Variants in ABCA6 observed in about 807,000 individuals in gnomAD.
ABCA6 encodes ATP-binding cassette sub-family A member 6.
Under a neutral mutation model 191.2 loss-of-function variants are expected in ABCA6, and 164 were observed. That is an observed-to-expected ratio of 0.86 (90% CI 0.76 to 0.98). The LOEUF is 0.98. Ranked by LOEUF, ABCA6 falls within the 50% of genes least tolerant of loss-of-function variation. ABCA6 has a pLI of 0.00. For missense variants in ABCA6, 1,958 were observed against 1,894.1 expected, an observed-to-expected ratio of 1.03 and a Z score of -0.63; for synonymous variants, 636 against 647.7, an observed-to-expected ratio of 0.98 and a Z score of 0.27.
chr17:69,116,327 T>A (rs975805340), intron 11 of ABCA6, among the ~76,000 whole-genome samples: 1 of 152,112 alleles, frequency 6.6e-6, no homozygotes, highest in Non-Finnish European at 1.5e-5. Context: ...TGTAAATCAC[T>A]TAGCATAGTT....
At chr17:69,093,356 C>T (rs1410563519) in intron 25 of ABCA6, among the ~76,000 whole-genome samples, 1 of 152,204 alleles carries the variant, frequency 6.6e-6, no homozygotes, top group Non-Finnish European at 1.5e-5. Context: ...AGAATACTAA[C>T]TGTCCCAAGA....
At chr17:69,129,314 T>C (rs899358318) in intron 7 of ABCA6, among the ~76,000 whole-genome samples, 3 of 152,146 alleles carry the variant, frequency 2.0e-5, no homozygotes, top group African/African-American at 7.2e-5. Context: ...CCCTCAAAAA[T>C]AACCTCAATA....
At chr17:69,092,535 C>G (rs1340484453) in intron 25 of ABCA6, among the ~76,000 whole-genome samples, 1 of 152,142 alleles carries the variant, frequency 6.6e-6, no homozygotes, top group Non-Finnish European at 1.5e-5. Context: ...ACTCCGTGTG[C>G]TAAGATGTGC....
At chr17:69,119,962 T>C (rs560623096) in intron 10 of ABCA6, among the ~76,000 whole-genome samples, 2 of 152,102 alleles carry the variant, frequency 1.3e-5, no homozygotes, top group Admixed American at 1.3e-4. Context: ...GTTATCACTA[T>C]GAATACACCC....
In ABCA6 at chr17:69,084,297, G is replaced by C; in HGVS notation, c.4319C>G (p.Ser1440Cys). Residue 1440 changes from serine (S) to cysteine (C), a missense_variant, in exon 34 of 39, where the codon TCT (serine) becomes TGT (cysteine). Physicochemically the swap from Ser to Cys is moderately radical, Grantham distance 112. Transcript: ENST00000284425. ...NSPVLLLDEP[S>C]TGIDPTGQQQ... ...CTGCCCTGTGGGGTCTATGCCCGTAGATGGTTCATCCAGGAGCAAGACAGG... is the reference window on the plus strand; with the variant it reads ...CTGCCCTGTGGGGTCTATGCCCGTACATGGTTCATCCAGGAGCAAGACAGG... 1 of 1,614,176 alleles carries C rather than the reference G, an allele frequency of 6.2e-7. No homozygotes were observed. Among genetic ancestry groups the C allele is most frequent in the Non-Finnish European group, 8.5e-7 (1 of 1,180,030 alleles).
rs1455266952 is a variant in ABCA6, at chr17:69,102,875, A to G, written c.2834T>C (p.Leu945Pro). ...DFENRNGTDG[L>P]SYNGAIIVSG... Reference sequence around the variant, plus strand: ...AACTATGATAGCTCCATTGTATGAGAGGCCATCAGTACCATTTCTGTTTTC... The same window carrying G: ...AACTATGATAGCTCCATTGTATGAGGGGCCATCAGTACCATTTCTGTTTTC... The change falls in exon 21 of 39, where the codon CTC becomes CCC. Residue 945 changes from leucine to proline, a missense_variant. Physicochemically the swap from Leu to Pro is moderately conservative, Grantham distance 98. Transcript: ENST00000284425. The G allele has an allele frequency of 3.1e-6, 5 of 1,600,048 alleles. No individual in the cohort carries two copies. Among genetic ancestry groups the G allele is most frequent in the East Asian group, 2.3e-5 (1 of 44,016 alleles).
Position 69,110,708 on chromosome 17 carries a change from A to C in ABCA6, c.2272+93T>G, listed in dbSNP as rs1384236071. Reference sequence around the variant, plus strand: ...TTCTCAGGTGGCCAAAACTAAGAAAAAGTCTAAATTCATTGGACAAAGAAA... The same window carrying C: ...TTCTCAGGTGGCCAAAACTAAGAAACAGTCTAAATTCATTGGACAAAGAAA... On this transcript the variant is annotated intron_variant, in intron 17 of 38. Transcript: ENST00000284425. The C allele has an allele frequency of 1.6e-5, 23 of 1,425,296 alleles. No homozygotes were observed. In the East Asian group the frequency reaches 3.8e-4, roughly 24 times the overall value. The allele number at this position is 1,425,296 out of a possible 1,614,324, so 88.3% of individuals were successfully genotyped here.
intron 28 of ABCA6, 154 bp from the exon 29 acceptor site, chr17:69,087,627 G>A: frequency 2.0e-6 from 2 of 991,938 alleles, no homozygotes; most frequent in Admixed American, 4.8e-5. Context: ...CTTTTGCCAA[G>A]AACTCCTGTC....
Position 69,084,480 on chromosome 17 carries a change from C to T in ABCA6, c.4212G>A (p.Glu1404=). The part of the protein sequence containing the change: ...ARLVSAFKLH[E]QLNVPVQKLT... ...ATTTCTGCACAGGAACATTCAGCTG[C>T]TCATGCAGTTTGAAAGCACTCACTA... The change falls in exon 33 of 39, where the codon GAG becomes GAA. Residue 1404 remains glutamate (E), a synonymous_variant. Coordinates refer to ENST00000284425, the MANE Select transcript of ABCA6 (RefSeq NM_080284.3). The T allele has an allele frequency of 1.2e-6, 2 of 1,614,136 alleles. No individual in the cohort carries two copies. The highest frequency in any genetic ancestry group is 1.3e-5 in the African/African-American group (1 of 75,032).
At chr17:69,094,418 T>C (rs1439644453) in intron 25 of ABCA6, 3 of 152,364 alleles carry the variant, frequency 2.0e-5, no homozygotes, top group East Asian at 3.8e-4. Flanking sequence ...ATGAAACTTA[T>C]TGTTTTGGAA....
chr17:69,119,956 T>C (rs1000382172), intron 10 of ABCA6, among the ~76,000 whole-genome samples: 2 of 152,104 alleles, frequency 1.3e-5, no homozygotes, highest in African/African-American at 4.8e-5. Flanking sequence ...CCCATAGTTA[T>C]CACTATGAAT....
rs201306793 is a variant in ABCA6 at position 69,084,323 on chromosome 17, T to C, written c.4293A>G (p.Ser1431=). 39 of 1,614,118 alleles carry C rather than the reference T, an allele frequency of 2.4e-5. No individual in the cohort carries two copies. The African/African-American group carries it at 4.5e-4, about 19-fold the overall frequency. ...ATGGTTCATCCAGGAGCAAGACAGG[T>C]GAGTTTCCCAGGAGGCTCAGCACAA... ...LCFVLSLLGN[S]PVLLLDEPST... Residue 1431 remains serine (S), a synonymous_variant, in exon 34 of 39, where the codon TCA becomes TCG. Coordinates refer to ENST00000284425, the MANE Select transcript of ABCA6 (RefSeq NM_080284.3).
At chr17:69,110,674 G>T in intron 17 of ABCA6, 127 bp downstream of exon 17, 2 of 1,087,294 alleles carry the variant, frequency 1.8e-6, no homozygotes, top group Non-Finnish European at 2.5e-6. Context: ...CCTTCCTCTT[G>T]AGTTCTGCTT....
chr17:69,106,154 G>C lies in ABCA6; in HGVS notation c.2447C>G (p.Ala816Gly). 1 of 1,613,884 alleles carries C rather than the reference G, an allele frequency of 6.2e-7. No individual in the cohort carries two copies. Among genetic ancestry groups the C allele is most frequent in the South Asian group, 1.1e-5 (1 of 91,058 alleles). ...CTGCATTTCAGAGAAGGAAGAGTGAGCCAGCTCCATTTCATTGAGGCTTTC... is the reference window on the plus strand; with the variant it reads ...CTGCATTTCAGAGAAGGAAGAGTGACCCAGCTCCATTTCATTGAGGCTTTC... ...DSESLNEMEL[A>G]HSSFSEMQTA... The change falls in exon 19 of 39, where the codon GCT (alanine) becomes GGT (glycine). Residue 816 changes from alanine to glycine, a missense_variant. Ala to Gly is a moderately conservative substitution (Grantham distance 60). Transcript: ENST00000284425.
At chr17:69,103,036 G>T in intron 20 of ABCA6, 68 bp from the exon 21 acceptor site, 1 of 919,108 alleles carries the variant, frequency 1.1e-6, no homozygotes, top group Non-Finnish European at 1.6e-6. Flanking sequence ...TTTAAAATAA[G>T]TCATATACAT....
At position 69,110,719 on chromosome 17, in the gene ABCA6, C is replaced by G; in HGVS notation, c.2272+82G>C. 3 of 1,459,368 alleles carry G rather than the reference C, an allele frequency of 2.1e-6. No homozygotes were observed. The East Asian group carries it at 7.6e-5, about 37-fold the overall frequency. The allele number at this position is 1,459,368 out of a possible 1,614,324, so 90.4% of individuals were successfully genotyped here. ...CCAAAACTAAGAAAAAGTCTAAATT[C>G]ATTGGACAAAGAAAATTATTTTAAT... is the stretch of plus-strand genomic sequence containing the variant. On this transcript the variant is annotated intron_variant, in intron 17 of 38. Transcript: ENST00000284425.
chr17:69,121,152 C>T lies in ABCA6; in HGVS notation c.1436+2087G>A, dbSNP rs746205854. On this transcript the variant is annotated intron_variant, in intron 10 of 38. Transcript: ENST00000284425. ...ATATTCATACAAAATAGAATTCACA[C>T]GTTGGAATTGATTGAAAAAGATTTG... Among the ~76,000 whole-genome samples the T allele has an allele frequency of 3.3e-5, 5 of 151,964 alleles. No individual in the cohort carries two copies. The East Asian group carries it at 5.8e-4, about 18-fold the overall frequency.
chr17:69,140,659 A>T lies in ABCA6; in HGVS notation c.45T>A (p.Leu15=). ...ATTTCTTAAGAAAATTCTTGCACAG[A>T]AGTGCTTTGGTTTGCTGATACACGC... ...QKSVYQQTKA[L]LCKNFLKKWR... is the part of the protein sequence containing the mutation. Residue 15 remains leucine, a synonymous_variant, in exon 2 of 39, where the codon CTT becomes CTA. Transcript: ENST00000284425. The T allele has an allele frequency of 6.2e-7, 1 of 1,601,098 alleles. No homozygotes were observed. The highest frequency in any genetic ancestry group is 8.5e-7 in the Non-Finnish European group (1 of 1,174,202).
intron 6 of ABCA6, 142 bp from the exon 7 acceptor site, chr17:69,129,893 A>C (rs977904043): frequency 3.9e-5 from 23 of 593,794 alleles, no homozygotes; most frequent in Non-Finnish European, 5.7e-5. Context: ...CTACAGCAGA[A>C]GCTCATTGCA....
Sources: allele counts gnomAD v4.1 joint callset (sites outside exome capture counted in the v4.1 genomes callset), GRCh38; gene constraint gnomAD v4.1.1; transcripts MANE v1.5; gene names NCBI Gene and HGNC (gene_info 2026-07-23, HGNC 2026-07-21).